PTPRN2: variants seen among roughly 807,000 people sequenced by gnomAD.
PTPRN2 encodes receptor-type tyrosine-protein phosphatase N2.
Under a neutral mutation model 118.8 loss-of-function variants are expected in PTPRN2, and 74 were observed. That is an observed-to-expected ratio of 0.62 (90% confidence interval 0.52 to 0.76). PTPRN2 has a LOEUF of 0.76. PTPRN2 is among the 30% of genes least tolerant of loss of function. The pLI, the probability that PTPRN2 is intolerant of heterozygous loss-of-function variation, is 0.00. For synonymous variants in PTPRN2, 641 were observed against 608.0 expected (o/e 1.05, Z -0.80); for missense variants, 1,481 against 1,394.4 (o/e 1.06, Z -0.99).
intron 12 of PTPRN2, among the ~76,000 whole-genome samples, chr7:157,836,138 T>C (rs1389570527): frequency 1.3e-5 from 2 of 152,238 alleles, no homozygotes; most frequent in South Asian, 2.1e-4. Context: ...TGATAAAATG[T>C]TTAAATCTAC....
At chr7:158,275,275 G>A (rs796840725) in intron 3 of PTPRN2, among the ~76,000 whole-genome samples, 6 of 152,250 alleles carry the variant, frequency 3.9e-5, no homozygotes, top group African/African-American at 7.2e-5. Context: ...CCACTTCCTC[G>A]GAGGGCCTCT....
At chr7:158,390,864 T>A (rs1283405007) in intron 2 of PTPRN2, among the ~76,000 whole-genome samples, 1 of 151,992 alleles carries the variant, frequency 6.6e-6, no homozygotes, top group East Asian at 1.9e-4. Context: ...CTACGAAAAA[T>A]GGAGGGGCAG....
chr7:158,037,293 G>A lies in PTPRN2; in HGVS notation c.1723+44005C>T, dbSNP rs557459640. ...GAAGTGGATGGGAAGACCAAATGTC[G>A]TAAATACACTCTCAGGTCTCCTAAC... On this transcript the variant is annotated intron_variant, in intron 11 of 22. Transcript: ENST00000389418. 6.3e-4 allele frequency among the ~76,000 whole-genome samples: 96 copies of A among 152,306 alleles called. 1 individual carries two copies. The highest frequency in any genetic ancestry group is 2.0e-3 in the African/African-American group (85 of 41,562).
chr7:157,789,887 ATG>A (rs1804333969), intron 12 of PTPRN2, among the ~76,000 whole-genome samples: 2 of 136,208 alleles, frequency 1.5e-5, no homozygotes, highest in Admixed American at 1.5e-4. Flanking sequence ...GTGTGCAGGT[ATG>A]TGTGTGGTAT....
At chr7:158,267,805 T>C (rs1797982776) in intron 3 of PTPRN2, among the ~76,000 whole-genome samples, 2 of 152,214 alleles carry the variant, frequency 1.3e-5, no homozygotes, top group South Asian at 2.1e-4. Flanking sequence ...TGAGCTTCTG[T>C]TCTTCCTGAC....
intron 12 of PTPRN2, among the ~76,000 whole-genome samples, chr7:157,829,398 C>A (rs978922298): frequency 6.6e-6 from 1 of 152,202 alleles, no homozygotes; most frequent in East Asian, 1.9e-4. Context: ...TCATCTGGGG[C>A]GCTCTTTTTG....
chr7:157,664,946 A>G (rs1487713780), intron 13 of PTPRN2, among the ~76,000 whole-genome samples: 4 of 152,256 alleles, frequency 2.6e-5, no homozygotes, highest in Non-Finnish European at 5.9e-5. Flanking sequence ...CTCACCCGGA[A>G]CAAAACTCTC....
At chr7:157,576,219 T>C (rs2150523871) in intron 19 of PTPRN2, among the ~76,000 whole-genome samples, 1 of 152,314 alleles carries the variant, frequency 6.6e-6, no homozygotes, top group Non-Finnish European at 1.5e-5. Flanking sequence ...CGCAGGGTGG[T>C]ATCTGGGCCT....
chr7:158,242,100 T>C (rs1303245657), intron 3 of PTPRN2, among the ~76,000 whole-genome samples: 1 of 152,216 alleles, frequency 6.6e-6, no homozygotes, highest in Non-Finnish European at 1.5e-5. Context: ...GGTAGAGCCA[T>C]GCTAGTGGCT....
chr7:157,653,118 C>A (rs75925496), intron 14 of PTPRN2, among the ~76,000 whole-genome samples: 1 of 152,166 alleles, frequency 6.6e-6, no homozygotes, highest in African/African-American at 2.4e-5. Context: ...GCCCCCCAGA[C>A]GGTGCAGCCG....
intron 14 of PTPRN2, 47 bp downstream of exon 14, chr7:157,656,310 G>A (rs1220832486): frequency 6.7e-7 from 1 of 1,500,160 alleles, no homozygotes; most frequent in Non-Finnish European, 9.0e-7. Context: ...GCCGAGGAAG[G>A]AGGGCCCTGG....
intron 9 of PTPRN2, among the ~76,000 whole-genome samples, chr7:158,114,829 C>T (rs146368842): frequency 1.1e-3 from 173 of 152,200 alleles, no homozygotes; most frequent in African/African-American, 3.7e-3. Flanking sequence ...GCACAGAGCG[C>T]GAGAGGCAGA....
chr7:158,341,297 C>A, intron 2 of PTPRN2, among the ~76,000 whole-genome samples: 1 of 150,934 alleles, frequency 6.6e-6, no homozygotes, highest in South Asian at 2.1e-4. Flanking sequence ...GAGCCGACGC[C>A]CATAGACGTC....
At chr7:157,549,214 A>G (rs531967885) in intron 21 of PTPRN2, among the ~76,000 whole-genome samples, 195 bp from the exon 22 acceptor site, 26 of 152,330 alleles carry the variant, frequency 1.7e-4, no homozygotes, top group Non-Finnish European at 3.2e-4. Flanking sequence ...AGCTTTCATT[A>G]GCATTAATTC....
At chr7:157,557,068 TCATA>T (rs1322051901) in intron 21 of PTPRN2, among the ~76,000 whole-genome samples, 1 of 149,786 alleles carries the variant, frequency 6.7e-6, no homozygotes, top group Non-Finnish European at 1.5e-5. Context: ...CACTCATGTA[TCATA>T]CATACACACA....
chr7:158,573,796 C>T (rs1828178184), intron 1 of PTPRN2, among the ~76,000 whole-genome samples: 1 of 152,200 alleles, frequency 6.6e-6, no homozygotes, highest in Admixed American at 6.5e-5. Context: ...TGGGCTAATG[C>T]TGGAGCCCCA....
At chr7:157,806,400 A>G (rs919163934) in intron 12 of PTPRN2, among the ~76,000 whole-genome samples, 2 of 152,232 alleles carry the variant, frequency 1.3e-5, no homozygotes, top group African/African-American at 4.8e-5. Flanking sequence ...AAAAATATGC[A>G]CATATGTACA....
intron 6 of PTPRN2, among the ~76,000 whole-genome samples, chr7:158,155,639 A>AATT (rs1821718540): frequency 4.9e-5 from 7 of 141,534 alleles, no homozygotes; most frequent in Admixed American, 1.4e-4. Flanking sequence ...CATCATCACC[A>AATT]CCGTCATCAT....
chr7:157,648,778 T>C (rs1476218301), intron 14 of PTPRN2, among the ~76,000 whole-genome samples: 57 of 101,990 alleles, frequency 5.6e-4, no homozygotes, highest in East Asian at 8.5e-4. Flanking sequence ...TCGGACCCAT[T>C]CACTGTGCAC....
Sources: gnomAD v4.1 joint callset for allele counts (sites outside exome capture counted in the v4.1 genomes callset) on GRCh38, gnomAD v4.1.1 for gene constraint, MANE v1.5 for transcripts, NCBI Gene and HGNC (gene_info 2026-07-23, HGNC 2026-07-21) for gene names.